FANK1: variants seen among roughly 807,000 people sequenced by gnomAD.
FANK1 encodes the protein fibronectin type 3 and ankyrin repeat domains protein 1.
A neutral mutation model predicts 45.3 loss-of-function variants in FANK1; 44 were observed. That is an observed-to-expected ratio of 0.97 (90% CI 0.76 to 1.25). The LOEUF (loss-of-function observed/expected upper bound fraction) is 1.25, where lower values mean the gene tolerates loss of function less well. Ranked by LOEUF, FANK1 falls within the 50% of genes most tolerant of loss-of-function variation. The pLI is 0.00. For missense variants in FANK1, 391 were observed against 424.4 expected (o/e 0.92, Z 0.69); for synonymous variants, 149 against 152.5 (o/e 0.98, Z 0.17).
chr10:125,971,063 C>G (rs569270167), intron 1 of FANK1, among the ~76,000 whole-genome samples: 1 of 152,110 alleles, frequency 6.6e-6, no homozygotes, highest in Non-Finnish European at 1.5e-5. Flanking sequence ...TAGACTTGTT[C>G]ATGTATTAGT....
At chr10:125,957,461 G>A (rs1949651649) in intron 1 of FANK1, among the ~76,000 whole-genome samples, 1 of 151,754 alleles carries the variant, frequency 6.6e-6, no homozygotes, top group African/African-American at 2.4e-5. Context: ...TTAACATTTT[G>A]TATGGTTCAG....
intron 6 of FANK1, among the ~76,000 whole-genome samples, chr10:125,998,602 A>G (rs571246462): frequency 6.6e-6 from 1 of 152,208 alleles, no homozygotes; most frequent in Non-Finnish European, 1.5e-5. Context: ...AAAGCTATCT[A>G]ATAAGATACA....
intron 7 of FANK1, among the ~76,000 whole-genome samples, chr10:126,006,252 G>GGAAA (rs1345455375): frequency 1.3e-5 from 2 of 152,186 alleles, no homozygotes; most frequent in African/African-American, 4.8e-5. Flanking sequence ...GGTAATTGAG[G>GGAAA]GAAAGTGAGA....
chr10:125,919,222 T>G (rs1280994183), intron 1 of FANK1, among the ~76,000 whole-genome samples: 207 of 130,942 alleles, frequency 1.6e-3, no homozygotes, highest in African/African-American at 6.1e-3. Context: ...TTTTTTTTTT[T>G]TGTGACAGAG....
At chr10:125,922,012 C>CT (rs1434421965) in intron 1 of FANK1, among the ~76,000 whole-genome samples, 1 of 151,948 alleles carries the variant, frequency 6.6e-6, no homozygotes, top group Non-Finnish European at 1.5e-5. Flanking sequence ...TTATTTGGTT[C>CT]TTTTTTTACT....
intron 1 of FANK1, among the ~76,000 whole-genome samples, chr10:125,953,284 C>A (rs1316557758): frequency 6.6e-6 from 1 of 152,152 alleles, no homozygotes; most frequent in Non-Finnish European, 1.5e-5. Context: ...GCATCAGGCT[C>A]TATGGCTGAA....
At chr10:125,901,888 A>G (rs1048028943) in intron 1 of FANK1, among the ~76,000 whole-genome samples, 1 of 152,276 alleles carries the variant, frequency 6.6e-6, no homozygotes, top group Non-Finnish European at 1.5e-5. Flanking sequence ...TGGGAGGCCA[A>G]GGCGGGCGGA....
chr10:125,951,200 T>C (rs943581636), intron 1 of FANK1, among the ~76,000 whole-genome samples: 8 of 149,538 alleles, frequency 5.3e-5, no homozygotes, highest in Non-Finnish European at 8.9e-5. Flanking sequence ...ATATGTAACC[T>C]GCACAATGTG....
At chr10:125,957,743 G>A (rs921280153) in intron 1 of FANK1, among the ~76,000 whole-genome samples, 3 of 151,930 alleles carry the variant, frequency 2.0e-5, no homozygotes, top group Admixed American at 1.3e-4. Context: ...CATGCTGGTC[G>A]CAAACTCCTG....
intron 1 of FANK1, among the ~76,000 whole-genome samples, chr10:125,966,916 CTT>C (rs1224382086): frequency 1.3e-5 from 2 of 152,170 alleles, no homozygotes; most frequent in African/African-American, 2.4e-5. Context: ...ACTATTTTGT[CTT>C]TTGTTTTTCT....
intron 1 of FANK1, among the ~76,000 whole-genome samples, chr10:125,922,387 T>C (rs569745483): frequency 6.6e-6 from 1 of 152,374 alleles, no homozygotes. Context: ...ACCTGTCTGC[T>C]GGTTACTTTT....
At chr10:125,971,161 G>C (rs897671113) in intron 1 of FANK1, among the ~76,000 whole-genome samples, 2 of 152,080 alleles carry the variant, frequency 1.3e-5, no homozygotes, top group South Asian at 2.1e-4. Context: ...GAGCTATCTT[G>C]CTAATTGTTT....
At chr10:125,951,863 C>T (rs2134167558) in intron 1 of FANK1, among the ~76,000 whole-genome samples, 1 of 152,196 alleles carries the variant, frequency 6.6e-6, no homozygotes, top group East Asian at 1.9e-4. Context: ...AATTCAAATG[C>T]ATTTAAAAAC....
intron 1 of FANK1, among the ~76,000 whole-genome samples, chr10:125,968,217 A>G (rs1239490868): frequency 6.6e-6 from 1 of 152,036 alleles, no homozygotes; most frequent in Non-Finnish European, 1.5e-5. Context: ...CTTGGCCTCC[A>G]AAAGTGTTGG....
chr10:125,994,079 G>GA (rs1309322999), intron 3 of FANK1, among the ~76,000 whole-genome samples: 1 of 152,078 alleles, frequency 6.6e-6, no homozygotes, highest in Non-Finnish European at 1.5e-5. Context: ...GGAGCAGGAA[G>GA]AGGGAGGCCA....
chr10:125,898,484 T>G (rs1216779569), intron 1 of FANK1, among the ~76,000 whole-genome samples: 1 of 152,162 alleles, frequency 6.6e-6, no homozygotes, highest in Non-Finnish European at 1.5e-5. Context: ...GTACTGGGTC[T>G]GCAGAATGAC....
At chr10:125,955,036 G>A (rs943360691) in intron 1 of FANK1, among the ~76,000 whole-genome samples, 4 of 151,820 alleles carry the variant, frequency 2.6e-5, no homozygotes, top group Non-Finnish European at 5.9e-5. Flanking sequence ...AATCGCTTTA[G>A]CATTTTGTGT....
chr10:125,910,310 TTTG>T, intron 1 of FANK1, among the ~76,000 whole-genome samples: 1 of 152,316 alleles, frequency 6.6e-6, no homozygotes, highest in South Asian at 2.1e-4. Flanking sequence ...TTTTTTACAC[TTTG>T]TTTTCTTTTT....
intron 1 of FANK1, among the ~76,000 whole-genome samples, chr10:125,966,343 C>G (rs927067439): frequency 3.9e-5 from 6 of 152,036 alleles, no homozygotes; most frequent in South Asian, 2.1e-4. Flanking sequence ...CTCTTTATCC[C>G]GAGACCTCAC....
Sources: allele counts gnomAD v4.1 joint callset (sites outside exome capture counted in the v4.1 genomes callset), GRCh38; gene constraint gnomAD v4.1.1; transcripts MANE v1.5; gene names NCBI Gene and HGNC (gene_info 2026-07-23, HGNC 2026-07-21).